The following NR3C2 variants were observed in gnomAD, a reference collection of about 807,000 sequenced individuals.
The protein encoded by NR3C2 is nuclear receptor subfamily 3 group C member 2.
Under a neutral mutation model 86.4 loss-of-function variants are expected in NR3C2, and 15 were observed. The ratio of observed to expected loss-of-function variants is 0.17; its 90% confidence interval spans 0.12 to 0.27. NR3C2 has a LOEUF of 0.27. NR3C2 is among the 10% of genes least tolerant of loss of function. The pLI, the probability that NR3C2 is intolerant of heterozygous loss-of-function variation, is 1.00. For synonymous variants in NR3C2, 458 were observed against 450.5 expected (o/e 1.02, Z -0.21); for missense variants, 960 against 1,195.6 (o/e 0.80, Z 2.91).
intron 1 of NR3C2, among the ~76,000 whole-genome samples, chr4:148,437,517 C>G (rs1369270413): frequency 6.6e-6 from 1 of 152,146 alleles, no homozygotes; most frequent in Non-Finnish European, 1.5e-5. Flanking sequence ...CTGAAAAGAT[C>G]TATACATTCT....
At chr4:148,087,656 G>T (rs1430309908) in intron 8 of NR3C2, among the ~76,000 whole-genome samples, 1 of 152,122 alleles carries the variant, frequency 6.6e-6, no homozygotes, top group Non-Finnish European at 1.5e-5. Context: ...AAACTGGCTA[G>T]CCATATGCAG....
At chr4:148,332,654 A>C (rs1413095769) in intron 2 of NR3C2, among the ~76,000 whole-genome samples, 1 of 152,242 alleles carries the variant, frequency 6.6e-6, no homozygotes, top group East Asian at 1.9e-4. Context: ...ATGCATAGCA[A>C]GACAAGGGTA....
At chr4:148,102,838 TCA>T (rs1731599724) in intron 8 of NR3C2, among the ~76,000 whole-genome samples, 1 of 152,102 alleles carries the variant, frequency 6.6e-6, no homozygotes. Context: ...TTCAGGAGAC[TCA>T]TTTTCCATTT....
intron 4 of NR3C2, among the ~76,000 whole-genome samples, chr4:148,163,813 CTA>C (rs1734767639): frequency 6.6e-6 from 1 of 152,126 alleles, no homozygotes. Context: ...CATAAGCACA[CTA>C]TGAGGTAGGT....
intron 2 of NR3C2, among the ~76,000 whole-genome samples, chr4:148,311,447 C>T (rs1339366588): frequency 6.6e-6 from 1 of 152,170 alleles, no homozygotes; most frequent in African/African-American, 2.4e-5. Flanking sequence ...CTTTTTCTCT[C>T]TCACACTTCA....
chr4:148,259,756 T>C (rs1561005089), intron 3 of NR3C2, among the ~76,000 whole-genome samples: 1 of 152,202 alleles, frequency 6.6e-6, no homozygotes, highest in Non-Finnish European at 1.5e-5. Context: ...AAAAATCCTC[T>C]TTGGTTGATC....
At chr4:148,154,420 A>G (rs1481816227) in intron 5 of NR3C2, 131 bp downstream of exon 5, 2 of 852,590 alleles carry the variant, frequency 2.3e-6, no homozygotes, top group East Asian at 2.4e-5. Flanking sequence ...TCAATTTGTT[A>G]TCAATTTAAA....
intron 2 of NR3C2, among the ~76,000 whole-genome samples, chr4:148,265,731 C>G (rs766308720): frequency 6.6e-6 from 1 of 152,162 alleles, no homozygotes; most frequent in South Asian, 2.1e-4. Flanking sequence ...ATTCACCTAT[C>G]TTAGAGCACA....
intron 2 of NR3C2, among the ~76,000 whole-genome samples, chr4:148,346,483 A>G (rs920064216): frequency 1.3e-5 from 2 of 152,044 alleles, no homozygotes; most frequent in Non-Finnish European, 2.9e-5. Context: ...GCTTCCTAGG[A>G]AACTGGATCA....
intron 2 of NR3C2, among the ~76,000 whole-genome samples, chr4:148,300,447 C>T (rs534035069): frequency 1.3e-5 from 2 of 152,282 alleles, no homozygotes; most frequent in East Asian, 3.9e-4. Context: ...AAAGACTGCT[C>T]AGCTTAATTA....
At chr4:148,431,121 TAAG>T (rs1170412714) in intron 2 of NR3C2, among the ~76,000 whole-genome samples, 5 of 152,124 alleles carry the variant, frequency 3.3e-5, no homozygotes, top group South Asian at 2.1e-4. Flanking sequence ...ATTGTATAAA[TAAG>T]AAGAACAAGG....
rs569062078 is a variant in NR3C2, at chr4:148,117,839, C to T, written c.2641+2319G>A. 7.9e-5 allele frequency among the ~76,000 whole-genome samples: 12 copies of T among 152,298 alleles called. No homozygotes were observed. The South Asian group carries it at 2.5e-3, about 32-fold the overall frequency. ...CTCCAAATGACTTTACTGATCACTG[C>T]CCCTTCTCCCACACCTCTGTTTCAG... On this transcript the variant is annotated intron_variant, in intron 7 of 8. Coordinates refer to ENST00000358102, the MANE Select transcript of NR3C2 (RefSeq NM_000901.5).
At chr4:148,243,332 A>G (rs1464004013) in intron 3 of NR3C2, among the ~76,000 whole-genome samples, 5 of 152,136 alleles carry the variant, frequency 3.3e-5, no homozygotes, top group Non-Finnish European at 7.4e-5. Context: ...GCTCAGCCCT[A>G]AAGACATTTC....
intron 3 of NR3C2, among the ~76,000 whole-genome samples, chr4:148,200,355 C>A (rs897660869): frequency 1.3e-5 from 2 of 152,100 alleles, no homozygotes; most frequent in Middle Eastern, 3.4e-3. Context: ...CCCCACCCCC[C>A]ACACAGCCCC....
chr4:148,436,926 T>C lies in NR3C2; in HGVS notation c.-2-64A>G. On this transcript the variant is annotated intron_variant, in intron 1 of 8. Coordinates refer to ENST00000358102, the MANE Select transcript of NR3C2 (RefSeq NM_000901.5). ...ATAGCAATATTACTCTAAAAGACAT[T>C]CTAAAATTGCATTTGCTAAGCCACA... The C allele has an allele frequency of 2.3e-6, 3 of 1,307,800 alleles. No homozygotes were observed. The South Asian group carries it at 3.9e-5, about 17-fold the overall frequency. 81.0% of individuals were successfully genotyped at this position (1,307,800 alleles called of 1,614,324 possible).
chr4:148,147,504 T>C (rs968203729), intron 6 of NR3C2, among the ~76,000 whole-genome samples: 2 of 152,240 alleles, frequency 1.3e-5, no homozygotes, highest in African/African-American at 4.8e-5. Context: ...GTACCTACTA[T>C]GACTGAGGCA....
At chr4:148,150,875 C>G (rs953291500) in intron 6 of NR3C2, among the ~76,000 whole-genome samples, 1 of 152,098 alleles carries the variant, frequency 6.6e-6, no homozygotes, top group African/African-American at 2.4e-5. Context: ...TATGGATGAA[C>G]ATTGAAAACA....
intron 2 of NR3C2, among the ~76,000 whole-genome samples, chr4:148,430,606 A>G (rs1258009410): frequency 6.6e-6 from 1 of 152,154 alleles, no homozygotes; most frequent in African/African-American, 2.4e-5. Context: ...AGAAAGTTAC[A>G]TGTTTTCATT....
chr4:148,309,639 A>C (rs1742810965), intron 2 of NR3C2, among the ~76,000 whole-genome samples: 1 of 152,104 alleles, frequency 6.6e-6, no homozygotes, highest in Non-Finnish European at 1.5e-5. Flanking sequence ...CCCTTAAAAA[A>C]CCCACAATCT....
Sources: gnomAD v4.1 joint callset for allele counts (sites outside exome capture counted in the v4.1 genomes callset) on GRCh38, gnomAD v4.1.1 for gene constraint, MANE v1.5 for transcripts, NCBI Gene and HGNC (gene_info 2026-07-23, HGNC 2026-07-21) for gene names.